Variants in PPFIBP2 observed in about 807,000 individuals in gnomAD.
PPFIBP2 encodes liprin-beta-2.
Under a neutral mutation model 118.3 loss-of-function variants are expected in PPFIBP2, and 118 were observed. That is an observed-to-expected ratio of 1.00 (90% confidence interval 0.86 to 1.16). The LOEUF is 1.16. Ranked by LOEUF, PPFIBP2 falls within the 50% of genes most tolerant of loss-of-function variation. The probability of loss-of-function intolerance (pLI) is 0.00; values close to 1 mark genes in which losing one functional copy is unlikely to be tolerated. For missense variants in PPFIBP2, 1,195 were observed against 1,073.1 expected, an observed-to-expected ratio of 1.11 and a Z score of -1.59; for synonymous variants, 414 against 397.4, an observed-to-expected ratio of 1.04 and a Z score of -0.50.
chr11:7,662,056 G>A (rs1279346553), downstream of PPFIBP2, among the ~76,000 whole-genome samples: 1 of 145,946 alleles, frequency 6.9e-6, no homozygotes, highest in Non-Finnish European at 1.5e-5. Flanking sequence ...CACGTGAGAT[G>A]GGTTTCCTGA....
downstream of PPFIBP2, chr11:7,653,908 G>C: frequency 1.3e-6 from 1 of 765,178 alleles, no homozygotes; most frequent in Non-Finnish European, 1.8e-6. Flanking sequence ...GGGGGGTAGA[G>C]CAAGGCGGGA....
In PPFIBP2 at chr11:7,653,734, T is replaced by C; in HGVS notation, c.*516T>C. The C allele has an allele frequency of 8.2e-7, 1 of 1,225,830 alleles. No homozygotes were observed. The highest frequency in any genetic ancestry group is 1.0e-6 in the Non-Finnish European group (1 of 960,700). 75.9% of individuals were successfully genotyped at this position (1,225,830 alleles called of 1,614,324 possible). A position where few individuals can be genotyped will look rare whatever the true frequency, so the allele number is the denominator to read the frequency against. ...AGAGGTGGTCTCTTCTTTCTTGTAA[T>C]AAAAGCAATATTTATGCGGAAAGCA... On this transcript the variant is annotated 3_prime_UTR_variant, in exon 24 of 24. Transcript: ENST00000299492.
At chr11:7,559,632 G>A (rs1267534168) in intron 2 of PPFIBP2, among the ~76,000 whole-genome samples, 2 of 152,036 alleles carry the variant, frequency 1.3e-5, no homozygotes, top group Non-Finnish European at 2.9e-5. Flanking sequence ...AACACCTAGG[G>A]GGTTACTTAG....
intron 1 of PPFIBP2, among the ~76,000 whole-genome samples, chr11:7,526,741 C>T (rs546930757): frequency 5.9e-5 from 9 of 152,156 alleles, no homozygotes; most frequent in East Asian, 2.0e-4. Context: ...CGTGACTATG[C>T]GGAAGCTTCT....
chr11:7,562,999 G>T (rs1854525729), intron 2 of PPFIBP2, among the ~76,000 whole-genome samples: 1 of 133,948 alleles, frequency 7.5e-6, no homozygotes, highest in Admixed American at 8.3e-5. Context: ...ACATATGCCT[G>T]TAAAACTTGG....
At chr11:7,637,088 C>T (rs12274213) in intron 14 of PPFIBP2, among the ~76,000 whole-genome samples, 2,119 of 152,322 alleles carry the variant, frequency 0.014, 54 homozygotes, top group African/African-American at 0.048. Context: ...TCAATCTCCC[C>T]TACTCCTGAC....
At chr11:7,579,804 A>G (rs1242991000) in intron 3 of PPFIBP2, among the ~76,000 whole-genome samples, 1 of 152,186 alleles carries the variant, frequency 6.6e-6, no homozygotes, top group African/African-American at 2.4e-5. Context: ...TCATAGCAAA[A>G]CAGATATTTT....
intron 1 of PPFIBP2, among the ~76,000 whole-genome samples, chr11:7,546,129 G>GT (rs1209189131): frequency 2.0e-5 from 3 of 152,162 alleles, no homozygotes; most frequent in East Asian, 3.9e-4. Flanking sequence ...CTTGCCCTAT[G>GT]TATCTCTTCC....
At position 7,620,938 on chromosome 11, in the gene PPFIBP2, T is replaced by TTAC. The variant is rs1369441871; in HGVS notation, c.624_626dup (p.Leu209dup). ...GTCTTTCTCCCTCATCCCCTAGGAG[T>TTAC]TACTGCAAGAGCTCAGGCACCTCAA... On this transcript the variant is annotated inframe_insertion, in exon 7 of 24. Transcript: ENST00000299492. The TTAC allele has an allele frequency of 1.2e-6, 2 of 1,603,258 alleles. No individual in the cohort carries two copies. The highest frequency in any genetic ancestry group is 4.5e-5 in the East Asian group (2 of 44,806).
At chr11:7,583,754 C>G (rs1857617209) in intron 3 of PPFIBP2, among the ~76,000 whole-genome samples, 1 of 152,198 alleles carries the variant, frequency 6.6e-6, no homozygotes, top group Admixed American at 6.5e-5. Flanking sequence ...TCATCCCAGC[C>G]CCTTGGTTGG....
chr11:7,650,670 A>G lies in PPFIBP2; in HGVS notation c.2122-170A>G, dbSNP rs1853849984. ...AGATTCAGTGGGAGCTCTATTTCCT[A>G]GAAACTGGGGAGGCTGGTGCTCTGG... On this transcript the variant is annotated intron_variant, in intron 21 of 23. Coordinates refer to ENST00000299492, the MANE Select transcript of PPFIBP2 (RefSeq NM_003621.5). 4 of 534,386 alleles carry G rather than the reference A, an allele frequency of 7.5e-6. No individual in the cohort carries two copies. In the East Asian group the frequency reaches 9.1e-5, roughly 12 times the overall value. The allele number at this position is 534,386 out of a possible 1,614,324, so 33.1% of individuals were successfully genotyped here.
At chr11:7,528,567 A>G (rs1850417660) in intron 1 of PPFIBP2, among the ~76,000 whole-genome samples, 1 of 152,246 alleles carries the variant, frequency 6.6e-6, no homozygotes, top group Non-Finnish European at 1.5e-5. Flanking sequence ...AGAGATGTTT[A>G]GCAAGAGTGG....
At position 7,593,232 on chromosome 11, in the gene PPFIBP2, C is replaced by T. The variant is rs201668182; in HGVS notation, c.372+8C>T. The T allele has an allele frequency of 6.2e-7, 1 of 1,613,234 alleles. No homozygotes were observed. ...GAGTCCCTCATATTGCAGGTGGGTA[C>T]TTTTTGGTGAGAATCGGCTTATCCT... On this transcript the variant is annotated splice_region_variant and intron_variant, in intron 4 of 23. Coordinates refer to ENST00000299492, the MANE Select transcript of PPFIBP2 (RefSeq NM_003621.5).
In PPFIBP2 at chr11:7,574,516, A is replaced by C. The variant is rs1856042849; in HGVS notation, c.279+8749A>C. On this transcript the variant is annotated intron_variant, in intron 3 of 23. Coordinates refer to ENST00000299492, the MANE Select transcript of PPFIBP2 (RefSeq NM_003621.5). Reference sequence around the variant, plus strand: ...TAATCTGACAACTCTTTTTCAGATAAAGATTTATGAATACAAATAGTAGTA... The same window carrying C: ...TAATCTGACAACTCTTTTTCAGATACAGATTTATGAATACAAATAGTAGTA... Among the ~76,000 whole-genome samples the C allele has an allele frequency of 4.6e-5, 7 of 152,366 alleles. No individual in the cohort carries two copies. In the South Asian group the frequency reaches 1.4e-3, roughly 32 times the overall value.
Position 7,649,245 on chromosome 11 carries a change from T to G in PPFIBP2, c.1998+10T>G. 1 of 1,606,578 alleles carries G rather than the reference T, an allele frequency of 6.2e-7. No homozygotes were observed. The highest frequency in any genetic ancestry group is 8.5e-7 in the Non-Finnish European group (1 of 1,173,786). ...GCAATACCTAACTGTGGTGAGGACT[T>G]TTTCTTTAAATATTTCAGTTGTCCC... On this transcript the variant is annotated intron_variant, in intron 20 of 23. Transcript: ENST00000299492.
chr11:7,641,766 A>G, intron 16 of PPFIBP2, 146 bp downstream of exon 16: 1 of 858,866 alleles, frequency 1.2e-6, no homozygotes, highest in East Asian at 2.6e-5. Context: ...AATCTGAGAT[A>G]TTTTCCAGGG....
At chr11:7,585,104 T>C (rs2135102500) in intron 3 of PPFIBP2, among the ~76,000 whole-genome samples, 1 of 152,338 alleles carries the variant, frequency 6.6e-6, no homozygotes, top group South Asian at 2.1e-4. Flanking sequence ...AGCCATCATA[T>C]AATTTAACAT....
chr11:7,567,360 G>A (rs10839814), intron 3 of PPFIBP2, among the ~76,000 whole-genome samples: 25,347 of 152,162 alleles, frequency 0.17, 2,139 homozygotes, highest in African/African-American at 0.18. Context: ...ATTGTTGTTG[G>A]TTTTTTCAAG....
At position 7,610,293 on chromosome 11, in the gene PPFIBP2, G is replaced by A. The variant is rs1196436921; in HGVS notation, c.489G>A (p.Glu163=). Reference sequence around the variant, plus strand: ...TCGAGATCTGTTTTTGCTTGCAGGAGCTGCTAAGCCGCACATCTCTTGAGA... The same window carrying A: ...TCGAGATCTGTTTTTGCTTGCAGGAACTGCTAAGCCGCACATCTCTTGAGA... The part of the protein sequence containing the change: ...LNAAEEMLQQ[E]LLSRTSLETQ... Residue 163 remains glutamate (E), a splice_region_variant and synonymous_variant, in exon 6 of 24, where the codon GAG becomes GAA. Transcript: ENST00000299492. 6.2e-7 allele frequency: 1 copy of A among 1,613,648 alleles called. No individual in the cohort carries two copies. The highest frequency in any genetic ancestry group is 1.3e-5 in the African/African-American group (1 of 74,926).
Sources: gnomAD v4.1 joint callset for allele counts (sites outside exome capture counted in the v4.1 genomes callset) on GRCh38, gnomAD v4.1.1 for gene constraint, MANE v1.5 for transcripts, NCBI Gene and HGNC (gene_info 2026-07-23, HGNC 2026-07-21) for gene names.